DYDC1: variants seen among roughly 807,000 people sequenced by gnomAD.
The protein encoded by DYDC1 is DPY30 domain-containing protein 1.
DYDC1 carries 21 observed loss-of-function variants against 27.9 expected under a neutral mutation model. The ratio of observed to expected loss-of-function variants is 0.75; its 90% CI spans 0.53 to 1.08. DYDC1 has a LOEUF of 1.08. Among genes scored for constraint, DYDC1 ranks in the 50% least tolerant of loss-of-function variants. DYDC1 has a pLI of 0.00. For synonymous variants in DYDC1, 67 were observed against 65.8 expected (o/e 1.02, Z -0.09); for missense variants, 202 against 205.9 (o/e 0.98, Z 0.12).
chr10:80,349,184 C>T (rs548918154), intron 3 of DYDC1, among the ~76,000 whole-genome samples: 3 of 152,336 alleles, frequency 2.0e-5, no homozygotes, highest in Admixed American at 2.0e-4. Context: ...AGCCACCGCG[C>T]CCGGCCCGCA....
intron 4 of DYDC1, 48 bp downstream of exon 4, chr10:80,342,221 T>C (rs775303517): frequency 6.4e-6 from 10 of 1,572,060 alleles, no homozygotes; most frequent in African/African-American, 2.7e-5. Context: ...AGTTTGAAGA[T>C]TCTAGAGAGT....
intron 3 of DYDC1, among the ~76,000 whole-genome samples, chr10:80,343,687 A>G (rs1002340604): frequency 3.3e-5 from 5 of 152,156 alleles, no homozygotes; most frequent in African/African-American, 1.2e-4. Flanking sequence ...AGTGTGTATT[A>G]TTTTGTCATC....
At chr10:80,345,134 T>G (rs7082102) in intron 3 of DYDC1, among the ~76,000 whole-genome samples, 119,217 of 152,088 alleles carry the variant, frequency 0.78, 47,698 homozygotes, top group East Asian at 0.97. Context: ...TTGAATCTAT[T>G]ATGTGTTATT....
At chr10:80,350,720 A>T (rs1356122629) in intron 3 of DYDC1, among the ~76,000 whole-genome samples, 2 of 152,186 alleles carry the variant, frequency 1.3e-5, no homozygotes, top group African/African-American at 2.4e-5. Flanking sequence ...TTAAATATGT[A>T]AATTTGAGTC....
intron 3 of DYDC1, among the ~76,000 whole-genome samples, chr10:80,351,018 G>T (rs1036770236): frequency 6.6e-6 from 1 of 152,060 alleles, no homozygotes; most frequent in Non-Finnish European, 1.5e-5. Context: ...AAATCAAATG[G>T]CACGATTATC....
chr10:80,349,065 G>A (rs1842834252), intron 3 of DYDC1, among the ~76,000 whole-genome samples: 3 of 152,044 alleles, frequency 2.0e-5, no homozygotes, highest in Admixed American at 6.6e-5. Context: ...CTAATTTTTT[G>A]TATTTTTAGT....
intron 3 of DYDC1, among the ~76,000 whole-genome samples, chr10:80,350,615 A>G (rs1448815329): frequency 2.0e-5 from 3 of 152,192 alleles, no homozygotes; most frequent in Non-Finnish European, 4.4e-5. Flanking sequence ...TTCTACCTCA[A>G]TATCAGGGAT....
At chr10:80,338,200 C>T (rs900890114) in intron 6 of DYDC1, 2 of 985,278 alleles carry the variant, frequency 2.0e-6, no homozygotes, top group Admixed American at 1.2e-4. Flanking sequence ...ATATATTTCA[C>T]AAAATGATTT....
chr10:80,346,455 T>C (rs1842636849), intron 3 of DYDC1, among the ~76,000 whole-genome samples: 1 of 132,578 alleles, frequency 7.5e-6, no homozygotes, highest in Non-Finnish European at 1.6e-5. Context: ...TTTTTTTTTT[T>C]TTTTTTTTTT....
At chr10:80,347,281 T>TAC (rs2132798923) in intron 3 of DYDC1, among the ~76,000 whole-genome samples, 1 of 15,116 alleles carries the variant, frequency 6.6e-5, no homozygotes, top group African/African-American at 6.2e-4. Context: ...GGATCCTTTT[T>TAC]TTTTTTTTTT....
At position 80,347,276 on chromosome 10, in the gene DYDC1, C is replaced by CTTTTTTTT. The variant is rs556362145; in HGVS notation, c.249+4617_249+4624dup. ...CTTTGCCCATTTTTTAATTGGGATC[C>CTTTTTTTT]TTTTTTTTTTTTTTTTTTTTTTTTT... is the stretch of plus-strand genomic sequence containing the variant. On this transcript the variant is annotated intron_variant, in intron 3 of 6. Transcript: ENST00000372202. Among the ~76,000 whole-genome samples the CTTTTTTTT allele has an allele frequency of 5.2e-4, 47 of 90,112 alleles. 3 individuals are homozygous for CTTTTTTTT. Among genetic ancestry groups the CTTTTTTTT allele is most frequent in the Non-Finnish European group, 6.2e-4 (29 of 47,012 alleles). 59.1% of individuals were successfully genotyped at this position (90,112 alleles called of 152,430 possible).
In DYDC1 at chr10:80,346,444, C is replaced by CTTTTTTTTTTTTTTT. The variant is rs1032729095; in HGVS notation, c.250-4098_250-4084dup. Among the ~76,000 whole-genome samples the CTTTTTTTTTTTTTTT allele has an allele frequency of 9.1e-3, 757 of 83,368 alleles. 97 individuals are homozygous for CTTTTTTTTTTTTTTT. Among genetic ancestry groups the CTTTTTTTTTTTTTTT allele is most frequent in the African/African-American group, 0.018 (356 of 20,128 alleles). The allele number at this position is 83,368 out of a possible 152,430, so 54.7% of individuals were successfully genotyped here. On this transcript the variant is annotated intron_variant, in intron 3 of 6. Coordinates refer to ENST00000372202, the MANE Select transcript of DYDC1 (RefSeq NM_001269053.2). ...TCACCAATGTGTGTCTCTTCCCTTT[C>CTTTTTTTTTTTTTTT]TTTTTTTTTTTTTTTTTTTTTTTTT... is the stretch of plus-strand genomic sequence containing the variant.
chr10:80,341,027 T>C lies in DYDC1; in HGVS notation c.342+1242A>G, dbSNP rs531866016. The stretch of plus-strand genomic sequence containing the variant: ...ACTTTTTAAATATTGCTTTAATAAA[T>C]GATTCTCTCATCTAAGCATCAATAA... On this transcript the variant is annotated intron_variant, in intron 4 of 6. Coordinates refer to ENST00000372202, the MANE Select transcript of DYDC1 (RefSeq NM_001269053.2). Among the ~76,000 whole-genome samples, 6 of 152,332 alleles carry C rather than the reference T, an allele frequency of 3.9e-5. No individual in the cohort carries two copies. In the East Asian group the frequency reaches 1.2e-3, roughly 29 times the overall value.
intron 3 of DYDC1, among the ~76,000 whole-genome samples, chr10:80,351,030 G>C (rs889709552): frequency 6.6e-6 from 1 of 152,160 alleles, no homozygotes; most frequent in African/African-American, 2.4e-5. Flanking sequence ...ACGATTATCA[G>C]TACTTGATCT....
intron 3 of DYDC1, among the ~76,000 whole-genome samples, chr10:80,349,313 A>G (rs1450681037): frequency 6.6e-6 from 1 of 152,244 alleles, no homozygotes; most frequent in Non-Finnish European, 1.5e-5. Context: ...ATCTAATAAA[A>G]AATTTATATT....
At chr10:80,348,476 A>G (rs2132809998) in intron 3 of DYDC1, among the ~76,000 whole-genome samples, 1 of 152,366 alleles carries the variant, frequency 6.6e-6, no homozygotes, top group East Asian at 1.9e-4. Context: ...ATCACAAGTA[A>G]CGTAAAGCTG....
chr10:80,342,459 C>CA, intron 3 of DYDC1, 98 bp from the exon 4 acceptor site: 1 of 1,102,780 alleles, frequency 9.1e-7, no homozygotes, highest in East Asian at 2.5e-5. Flanking sequence ...TACATGGTCA[C>CA]ATCCAACTAA....
chr10:80,347,752 T>G (rs77958190), intron 3 of DYDC1, among the ~76,000 whole-genome samples: 9,372 of 152,206 alleles, frequency 0.062, 292 homozygotes, highest in Middle Eastern at 0.1. Flanking sequence ...TGTCAAAAAT[T>G]AGTTGACCGT....
chr10:80,338,619 T>C, intron 5 of DYDC1, 48 bp from the exon 6 acceptor site: 1 of 1,464,462 alleles, frequency 6.8e-7, no homozygotes, highest in Non-Finnish European at 9.1e-7. Flanking sequence ...TCAAAATTAA[T>C]ACATTACTTT....
Sources: gnomAD v4.1 joint callset for allele counts (sites outside exome capture counted in the v4.1 genomes callset) on GRCh38, gnomAD v4.1.1 for gene constraint, MANE v1.5 for transcripts, NCBI Gene and HGNC (gene_info 2026-07-23, HGNC 2026-07-21) for gene names.